SCFD1: variants seen among roughly 807,000 people sequenced by gnomAD.
SCFD1 encodes the protein sec1 family domain containing 1.
In SCFD1, 37 loss-of-function variants were observed where a neutral mutation model predicts 103.2. The ratio of observed to expected loss-of-function variants is 0.36; its 90% CI spans 0.28 to 0.47. The LOEUF (loss-of-function observed/expected upper bound fraction) is 0.47. SCFD1 is among the 20% of genes least tolerant of loss of function. The pLI is 1.00. For missense variants in SCFD1, 639 were observed against 761.2 expected (o/e 0.84, Z 1.89); for synonymous variants, 264 against 245.0 (o/e 1.08, Z -0.73).
At chr14:30,639,896 G>A (rs1268664239) in intron 6 of SCFD1, 32 bp downstream of exon 6, 1 of 1,557,164 alleles carries the variant, frequency 6.4e-7, no homozygotes, top group Admixed American at 2.0e-5. Flanking sequence ...GCAATTCTTT[G>A]TTAACAAAAT....
rs1889615596 is a variant in SCFD1 at position 30,683,041 on chromosome 14, T to C, written c.1242+7976T>C. The stretch of plus-strand genomic sequence containing the variant: ...CGACACAAGGACAGGCTGGGCAGCC[T>C]GGGTCAGGGCTCCTGACTGGTGACC... On this transcript the variant is annotated intron_variant, in intron 14 of 24. Coordinates refer to ENST00000458591, the MANE Select transcript of SCFD1 (RefSeq NM_016106.4). 3.0e-6 allele frequency: 4 copies of C among 1,339,650 alleles called. No homozygotes were observed. In the African/African-American group the frequency reaches 4.4e-5, roughly 15 times the overall value. 83.0% of individuals were successfully genotyped at this position (1,339,650 alleles called of 1,614,324 possible).
intron 15 of SCFD1, among the ~76,000 whole-genome samples, chr14:30,695,873 AAAAC>A (rs906149235): frequency 6.6e-5 from 10 of 152,214 alleles, no homozygotes; most frequent in Non-Finnish European, 1.0e-4. Context: ...CCTGGTCTCA[AAAAC>A]AAACAAACAA....
intron 14 of SCFD1, among the ~76,000 whole-genome samples, chr14:30,682,755 G>A (rs1308891184): frequency 6.6e-6 from 1 of 152,138 alleles, no homozygotes; most frequent in Non-Finnish European, 1.5e-5. Flanking sequence ...GAAGAAGTAA[G>A]AAGAAACAGG....
At chr14:30,680,026 A>G (rs1377394926) in intron 14 of SCFD1, among the ~76,000 whole-genome samples, 1 of 152,206 alleles carries the variant, frequency 6.6e-6, no homozygotes, top group Non-Finnish European at 1.5e-5. Context: ...CAAGTATGAC[A>G]AAAGATAGCT....
chr14:30,649,339 T>C (rs1426463076), intron 7 of SCFD1, among the ~76,000 whole-genome samples, 189 bp from the exon 8 acceptor site: 1 of 152,166 alleles, frequency 6.6e-6, no homozygotes, highest in African/African-American at 2.4e-5. Flanking sequence ...AGGCTGTACT[T>C]GTACCCCCTA....
rs1211755047 is a variant in SCFD1 at position 30,702,422 on chromosome 14, A to G, written c.1490+47A>G. ...AATTCCTGTCATTTAAAAGAGTACA[A>G]TTGAGGCTTCATTCCCAAGAAAATG... On this transcript the variant is annotated intron_variant, in intron 17 of 24. Transcript: ENST00000458591. The G allele has an allele frequency of 4.2e-6, 5 of 1,184,002 alleles. No individual in the cohort carries two copies. In the Admixed American group the frequency reaches 6.9e-5, roughly 16 times the overall value. The allele number at this position is 1,184,002 out of a possible 1,614,324, so 73.3% of individuals were successfully genotyped here. A position where few individuals can be genotyped will look rare whatever the true frequency, so the allele number is the denominator to read the frequency against.
intron 20 of SCFD1, among the ~76,000 whole-genome samples, chr14:30,717,517 C>A (rs1217078943): frequency 6.6e-6 from 1 of 151,612 alleles, no homozygotes; most frequent in Non-Finnish European, 1.5e-5. Context: ...TGTTACTGTC[C>A]CTAATCTTGA....
chr14:30,673,981 C>G lies in SCFD1; in HGVS notation c.1144C>G (p.Leu382Val). The G allele has an allele frequency of 6.2e-7, 1 of 1,612,880 alleles. No individual in the cohort carries two copies. The highest frequency in any genetic ancestry group is 2.2e-5 in the East Asian group (1 of 44,824). The change falls in exon 13 of 25, where the codon CTA (leucine) becomes GTA (valine). Residue 382 changes from leucine (L) to valine (V), a missense_variant. By Grantham distance (32) the Leu-to-Val change is conservative. Coordinates refer to ENST00000458591, the MANE Select transcript of SCFD1 (RefSeq NM_016106.4). ...ISMLSDNTAK[L>V]TSAVSSLPEL... ...TATGCTTTCTGACAATACCGCTAAG[C>G]TAACATCAGCTGTTAGGTAAGTGAG...
intron 17 of SCFD1, among the ~76,000 whole-genome samples, chr14:30,705,405 C>A (rs557835026): frequency 6.6e-6 from 1 of 152,124 alleles, no homozygotes; most frequent in Non-Finnish European, 1.5e-5. Context: ...TACATCAGTT[C>A]TTTTTATTTA....
chr14:30,675,971 A>G (rs1889001205), intron 14 of SCFD1, among the ~76,000 whole-genome samples: 1 of 152,178 alleles, frequency 6.6e-6, no homozygotes, highest in South Asian at 2.1e-4. Flanking sequence ...TTGGTACTTG[A>G]TATTTTTCAG....
chr14:30,696,373 C>G (rs1890700472), intron 15 of SCFD1, among the ~76,000 whole-genome samples: 1 of 152,160 alleles, frequency 6.6e-6, no homozygotes, highest in Admixed American at 6.5e-5. Flanking sequence ...TTGTTATTTA[C>G]AGTAACTTTC....
chr14:30,735,564 A>T (rs770122575), intron 24 of SCFD1, 22 bp from the exon 25 acceptor site: 2 of 1,544,694 alleles, frequency 1.3e-6, no homozygotes, highest in East Asian at 4.5e-5. Flanking sequence ...AGTTTTATGT[A>T]TGATTTTGTG....
At chr14:30,634,156 G>C (rs1884467057) in intron 4 of SCFD1, 119 bp downstream of exon 4, 1 of 592,472 alleles carries the variant, frequency 1.7e-6, no homozygotes, top group South Asian at 2.2e-5. Flanking sequence ...TTCTCACTCT[G>C]ATTTTTGAGA....
At chr14:30,731,006 C>T (rs1566670914) in intron 23 of SCFD1, among the ~76,000 whole-genome samples, 1 of 152,072 alleles carries the variant, frequency 6.6e-6, no homozygotes, top group Non-Finnish European at 1.5e-5. Flanking sequence ...AGTCTTTAAT[C>T]CATCTTGAAT....
At chr14:30,647,099 GTAGATTGTCT>G (rs1434193359) in intron 7 of SCFD1, among the ~76,000 whole-genome samples, 8 of 152,024 alleles carry the variant, frequency 5.3e-5, no homozygotes, top group South Asian at 4.1e-4. Context: ...AAGCACTGAT[GTAGATTGTCT>G]AAAATTTTGT....
rs77538613 is a variant in SCFD1 at position 30,670,797 on chromosome 14, G to C, written c.995+402G>C. On this transcript the variant is annotated intron_variant, in intron 11 of 24. Coordinates refer to ENST00000458591, the MANE Select transcript of SCFD1 (RefSeq NM_016106.4). ...CTTGTTTTAGATACTTGTGGAGAGA[G>C]TACCTAAGCCTAAAAGCCTAGAAAT... 3.7e-3 allele frequency among the ~76,000 whole-genome samples: 557 copies of C among 152,116 alleles called. 7 individuals carry two copies. The highest frequency in any genetic ancestry group is 0.013 in the African/African-American group (527 of 41,508).
At chr14:30,701,178 C>G (rs1278773862) in intron 16 of SCFD1, among the ~76,000 whole-genome samples, 2 of 152,112 alleles carry the variant, frequency 1.3e-5, no homozygotes, top group Non-Finnish European at 2.9e-5. Flanking sequence ...TTCTGTTGGT[C>G]AAAAATCTTT....
At chr14:30,666,624 G>A (rs1461364028) in intron 10 of SCFD1, among the ~76,000 whole-genome samples, 5 of 151,992 alleles carry the variant, frequency 3.3e-5, no homozygotes, top group Non-Finnish European at 7.4e-5. Context: ...CTGGTTTTTT[G>A]AAAAGATCAA....
intron 10 of SCFD1, among the ~76,000 whole-genome samples, chr14:30,661,591 G>A (rs1171139634): frequency 6.6e-6 from 1 of 152,086 alleles, no homozygotes; most frequent in East Asian, 1.9e-4. Context: ...TTTGAGGGTA[G>A]GAAATTGTTT....
Sources: allele counts gnomAD v4.1 joint callset (sites outside exome capture counted in the v4.1 genomes callset), GRCh38; gene constraint gnomAD v4.1.1; transcripts MANE v1.5; gene names NCBI Gene and HGNC (gene_info 2026-07-23, HGNC 2026-07-21).